TMEM132C: variants seen among roughly 807,000 people sequenced by gnomAD.
The protein encoded by TMEM132C is transmembrane protein 132C, also known as protein phosphatase 1, regulatory subunit 152.
In TMEM132C, 29 loss-of-function variants were observed where a neutral mutation model predicts 61.4. The observed-to-expected ratio is 0.47, with a 90% CI of 0.35 to 0.64. The LOEUF (loss-of-function observed/expected upper bound fraction) is 0.64. TMEM132C is among the 30% of genes least tolerant of loss of function. The probability of loss-of-function intolerance (pLI) is 0.00; values close to 1 mark genes in which losing one functional copy is unlikely to be tolerated. For synonymous variants in TMEM132C, 656 were observed against 633.1 expected (o/e 1.04, Z -0.54); for missense variants, 1,408 against 1,476.9 (o/e 0.95, Z 0.76).
chr12:128,297,548 AG>A (rs1470161669), intron 1 of TMEM132C, among the ~76,000 whole-genome samples: 1 of 152,184 alleles, frequency 6.6e-6, no homozygotes, highest in East Asian at 1.9e-4. Flanking sequence ...TCTCCTGCTT[AG>A]GGTTAACATT....
At chr12:128,690,756 T>G (rs1473255308) in intron 5 of TMEM132C, among the ~76,000 whole-genome samples, 4 of 152,172 alleles carry the variant, frequency 2.6e-5, no homozygotes, top group African/African-American at 9.7e-5. Flanking sequence ...CTCTTGACCA[T>G]GAATGAGAAG....
intron 1 of TMEM132C, among the ~76,000 whole-genome samples, chr12:128,320,043 C>G (rs1474828647): frequency 6.6e-6 from 1 of 152,100 alleles, no homozygotes; most frequent in Non-Finnish European, 1.5e-5. Flanking sequence ...GAAAAAAAAC[C>G]TGTTGAATCA....
intron 1 of TMEM132C, among the ~76,000 whole-genome samples, chr12:128,300,871 C>A (rs1871573280): frequency 6.6e-6 from 1 of 151,988 alleles, no homozygotes; most frequent in African/African-American, 2.4e-5. Flanking sequence ...GACCCCACCT[C>A]TACAAAAAAA....
intron 1 of TMEM132C, among the ~76,000 whole-genome samples, chr12:128,296,975 C>G (rs1414899232): frequency 2.6e-5 from 4 of 152,076 alleles, no homozygotes; most frequent in Non-Finnish European, 5.9e-5. Context: ...AAAACACACC[C>G]CGTGATCTTT....
At chr12:128,333,915 G>A (rs904343833) in intron 1 of TMEM132C, among the ~76,000 whole-genome samples, 1 of 151,240 alleles carries the variant, frequency 6.6e-6, no homozygotes, top group Non-Finnish European at 1.5e-5. Flanking sequence ...ATGTGTGAGA[G>A]TTTGTTGTGT....
At chr12:128,289,835 T>C (rs1360554593) in intron 1 of TMEM132C, among the ~76,000 whole-genome samples, 1 of 152,220 alleles carries the variant, frequency 6.6e-6, no homozygotes, top group East Asian at 1.9e-4. Context: ...ACTAATTGCA[T>C]TTTCCCCAAA....
chr12:128,485,010 A>AGGTT (rs1207380872), intron 2 of TMEM132C, among the ~76,000 whole-genome samples: 2 of 152,020 alleles, frequency 1.3e-5, no homozygotes, highest in Admixed American at 6.6e-5. Flanking sequence ...GAAGGAAGGA[A>AGGTT]GGTTGGTTGG....
chr12:128,445,607 C>G (rs987257009), intron 2 of TMEM132C, among the ~76,000 whole-genome samples: 1 of 152,174 alleles, frequency 6.6e-6, no homozygotes, highest in Non-Finnish European at 1.5e-5. Flanking sequence ...CGCGGACCAT[C>G]CCCAGTCTCT....
intron 1 of TMEM132C, among the ~76,000 whole-genome samples, chr12:128,281,888 T>A (rs986224815): frequency 1.3e-5 from 2 of 152,210 alleles, no homozygotes; most frequent in East Asian, 3.8e-4. Flanking sequence ...CTATTTCTTA[T>A]CTCTAGGTAC....
intron 2 of TMEM132C, among the ~76,000 whole-genome samples, chr12:128,530,353 C>G (rs1593087961): frequency 6.6e-6 from 1 of 152,136 alleles, no homozygotes; most frequent in African/African-American, 2.4e-5. Context: ...CTGCCAGATT[C>G]TGTGGTATGA....
Position 128,706,326 on chromosome 12 carries a change from G to T in TMEM132C, c.*31G>T. On this transcript the variant is annotated 3_prime_UTR_variant, in exon 9 of 9. Transcript: ENST00000435159. ...TCTAGCCAAAGGGCCCTGCCCAGAT[G>T]CCTTCCTTGTACTGGAAACTGGCCC... The T allele has an allele frequency of 6.8e-7, 1 of 1,475,084 alleles. No homozygotes were observed. Among genetic ancestry groups the T allele is most frequent in the Non-Finnish European group, 9.0e-7 (1 of 1,114,108 alleles). 91.4% of individuals were successfully genotyped at this position (1,475,084 alleles called of 1,614,324 possible).
rs1274011301 is a variant in TMEM132C, at chr12:128,570,125, C to T, written c.1121+26022C>T. ...GTGAATACAACTGGGGTTATCTTCT[C>T]GTCTTAGGCTCCTTAGCACCAGAGA... On this transcript the variant is annotated intron_variant, in intron 3 of 8. Coordinates refer to ENST00000435159, the MANE Select transcript of TMEM132C (RefSeq NM_001136103.3). This position sits in a 1 kb window ranked among gnomAD's most constrained non-coding sequence, Gnocchi z 4.7. 1.3e-5 allele frequency among the ~76,000 whole-genome samples: 2 copies of T among 152,042 alleles called. No homozygotes were observed. The highest frequency in any genetic ancestry group is 2.1e-4 in the South Asian group (1 of 4,796).
Position 128,697,418 on chromosome 12 carries a change from A to T in TMEM132C, c.2121+3A>T. ...AGGTGCTGCGGACCCCCAAACAGGT[A>T]GGGGGCCAAATGCCAGAGGTTCAGA... On this transcript the variant is annotated splice_donor_region_variant and intron_variant, in intron 8 of 8. Transcript: ENST00000435159. 1 of 1,528,868 alleles carries T rather than the reference A, an allele frequency of 6.5e-7. No individual in the cohort carries two copies. The highest frequency in any genetic ancestry group is 8.9e-7 in the Non-Finnish European group (1 of 1,129,666). The allele number at this position is 1,528,868 out of a possible 1,614,324, so 94.7% of individuals were successfully genotyped here.
intron 2 of TMEM132C, among the ~76,000 whole-genome samples, chr12:128,492,670 T>C (rs1871782726): frequency 6.6e-6 from 1 of 152,236 alleles, no homozygotes; most frequent in African/African-American, 2.4e-5. Flanking sequence ...TGTCTGTTCA[T>C]ATCCTTTGTC....
chr12:128,364,783 C>G (rs575048224), intron 1 of TMEM132C, among the ~76,000 whole-genome samples: 13 of 152,266 alleles, frequency 8.5e-5, no homozygotes, highest in African/African-American at 3.1e-4. Context: ...TAAGGGGCTC[C>G]CACTCTGATG....
At chr12:128,541,825 C>T (rs1405797577) in intron 2 of TMEM132C, among the ~76,000 whole-genome samples, 1 of 152,144 alleles carries the variant, frequency 6.6e-6, no homozygotes, top group Admixed American at 6.5e-5. Context: ...GATGGTATCA[C>T]CCTCTGGAAT....
chr12:128,339,341 C>T (rs988226791), intron 1 of TMEM132C, among the ~76,000 whole-genome samples: 1 of 152,024 alleles, frequency 6.6e-6, no homozygotes, highest in African/African-American at 2.4e-5. Flanking sequence ...CTGTCTTCTG[C>T]TCTAATCTTG....
chr12:128,393,378 T>G (rs1874833698), intron 1 of TMEM132C, among the ~76,000 whole-genome samples: 1 of 152,170 alleles, frequency 6.6e-6, no homozygotes, highest in African/African-American at 2.4e-5. Flanking sequence ...AAATAGACTC[T>G]CCTTCCTAGA....
At chr12:128,469,912 A>G (rs775099872) in intron 2 of TMEM132C, among the ~76,000 whole-genome samples, 11 of 152,166 alleles carry the variant, frequency 7.2e-5, no homozygotes, top group Non-Finnish European at 1.5e-4. Context: ...ATGCACACAT[A>G]TTATATAAAT....
Sources: gnomAD v4.1 joint callset for allele counts (sites outside exome capture counted in the v4.1 genomes callset) on GRCh38, gnomAD v4.1.1 for gene constraint, Gnocchi (gnomAD v3.1) non-coding constraint, MANE v1.5 for transcripts, NCBI Gene and HGNC (gene_info 2026-07-23, HGNC 2026-07-21) for gene names.